The following PHLDB2 variants were observed in gnomAD, a reference collection of about 807,000 sequenced individuals.
PHLDB2 encodes the protein pleckstrin homology-like domain family B member 2.
In PHLDB2, 71 loss-of-function variants were observed where a neutral mutation model predicts 123.6. The observed-to-expected ratio is 0.57, with a 90% CI of 0.47 to 0.70. The LOEUF is 0.70. Among genes scored for constraint, PHLDB2 ranks in the 30% least tolerant of loss-of-function variants. The pLI is 0.00. For synonymous variants in PHLDB2, 547 were observed against 541.6 expected, an observed-to-expected ratio of 1.01 and a Z score of -0.14; for missense variants, 1,446 against 1,519.5, an observed-to-expected ratio of 0.95 and a Z score of 0.80.
Position 111,974,757 on chromosome 3 carries a change from T to A in PHLDB2, c.*194T>A, listed in dbSNP as rs943621111. The A allele has an allele frequency of 2.3e-5, 10 of 436,444 alleles. No homozygotes were observed. The highest frequency in any genetic ancestry group is 1.2e-4 in the African/African-American group (6 of 49,254). 27.0% of individuals were successfully genotyped at this position (436,444 alleles called of 1,614,324 possible). ...TTTTAATACAAACCTTCATAATAAA[T>A]AGCAAAATAATTGAAGCTTCCATGA... On this transcript the variant is annotated 3_prime_UTR_variant, in exon 18 of 18. Coordinates refer to ENST00000431670, the MANE Select transcript of PHLDB2 (RefSeq NM_001134438.2).
Position 111,920,417 on chromosome 3 carries a change from A to G in PHLDB2, c.1999A>G (p.Lys667Glu). 1 of 1,611,698 alleles carries G rather than the reference A, an allele frequency of 6.2e-7. No individual in the cohort carries two copies. The highest frequency in any genetic ancestry group is 8.5e-7 in the Non-Finnish European group (1 of 1,179,296). The change falls in exon 5 of 18, where the codon AAG (lysine) becomes GAG (glutamate). Residue 667 changes from lysine (K) to glutamate (E), a missense_variant and splice_region_variant. By Grantham distance (56) the Lys-to-Glu change is moderately conservative. Transcript: ENST00000431670. ...AAAGAACATTGTTGGTGAAAAGACC[A>G]AGGTAAAAGAAAATTATATTTCAAT... ...LEKNIVGEKT[K>E]EKVKLDAERE...
Position 111,738,441 on chromosome 3 carries a change from C to T in PHLDB2, c.-49+5738C>T, listed in dbSNP as rs527601874. On this transcript the variant is annotated intron_variant, in intron 1 of 17. Coordinates refer to the PHLDB2 transcript ENST00000393923. The stretch of plus-strand genomic sequence containing the variant: ...CGTTCTAATTTTGGATAACCACAAA[C>T]ATTTATTGATGGGTTATCCACTCAG... Among the ~76,000 whole-genome samples the T allele has an allele frequency of 3.9e-4, 59 of 152,188 alleles. 1 individual carries two copies. The highest frequency in any genetic ancestry group is 7.3e-4 in the Non-Finnish European group (50 of 68,032).
intron 1 of PHLDB2, among the ~76,000 whole-genome samples, chr3:111,757,931 C>T (rs1192674119): frequency 2.6e-5 from 4 of 152,278 alleles, no homozygotes; most frequent in African/African-American, 7.2e-5. Flanking sequence ...TCGTGAACCG[C>T]GAATGCTGCT....
chr3:111,801,716 T>C (rs1300435663), intron 1 of PHLDB2, among the ~76,000 whole-genome samples: 1 of 152,168 alleles, frequency 6.6e-6, no homozygotes, highest in East Asian at 1.9e-4. Context: ...GAAAATATTA[T>C]GCTAAGTGAA....
chr3:111,737,267 G>A (rs1004686616), intron 1 of PHLDB2, among the ~76,000 whole-genome samples: 1 of 152,174 alleles, frequency 6.6e-6, no homozygotes, highest in African/African-American at 2.4e-5. Flanking sequence ...CCCCTGGCTG[G>A]CTGCCTGAGT....
chr3:111,956,806 G>A (rs1577191362), intron 12 of PHLDB2, among the ~76,000 whole-genome samples: 1 of 152,092 alleles, frequency 6.6e-6, no homozygotes, highest in Admixed American at 6.5e-5. Flanking sequence ...AAACCCAGGA[G>A]GGATGGATCA....
At chr3:111,798,880 C>T (rs2061271066) in intron 1 of PHLDB2, among the ~76,000 whole-genome samples, 3 of 152,006 alleles carry the variant, frequency 2.0e-5, no homozygotes, top group Admixed American at 2.0e-4. Context: ...TGTATGAGTC[C>T]ACTCTCATGC....
chr3:111,813,176 G>A (rs2061918851), intron 1 of PHLDB2, among the ~76,000 whole-genome samples: 1 of 152,148 alleles, frequency 6.6e-6, no homozygotes, highest in Non-Finnish European at 1.5e-5. Flanking sequence ...TTAGTAAAAG[G>A]ATACAAAGTT....
intron 2 of PHLDB2, among the ~76,000 whole-genome samples, chr3:111,895,709 C>T (rs551244039): frequency 2.0e-5 from 3 of 152,128 alleles, no homozygotes; most frequent in Admixed American, 6.5e-5. Flanking sequence ...ATTAGCCAGG[C>T]GTGGTGGCAC....
chr3:111,818,333 A>G (rs905221299), intron 1 of PHLDB2, among the ~76,000 whole-genome samples: 5 of 152,124 alleles, frequency 3.3e-5, no homozygotes, highest in Non-Finnish European at 5.9e-5. Flanking sequence ...GGTACAACCT[A>G]TCTAAACTCA....
At position 111,921,556 on chromosome 3, in the gene PHLDB2, C is replaced by T. The variant is rs149635503; in HGVS notation, c.2001+1137C>T. Among the ~76,000 whole-genome samples the T allele has an allele frequency of 4.6e-3, 701 of 151,474 alleles. 12 individuals carry two copies. Among genetic ancestry groups the T allele is most frequent in the African/African-American group, 0.016 (651 of 41,306 alleles). ...TTACCAGCATGTCAGAATTAAACTG[C>T]ACAGGCTTTTCATATTAAATTTTAT... On this transcript the variant is annotated intron_variant, in intron 5 of 17. Transcript: ENST00000431670.
At chr3:111,803,169 G>C (rs1357876392) in intron 1 of PHLDB2, among the ~76,000 whole-genome samples, 1 of 152,228 alleles carries the variant, frequency 6.6e-6, no homozygotes, top group Non-Finnish European at 1.5e-5. Context: ...CTTGGGAGCA[G>C]AGGATGGAAG....
intron 1 of PHLDB2, among the ~76,000 whole-genome samples, chr3:111,870,266 G>A (rs1016049262): frequency 2.6e-5 from 4 of 152,078 alleles, no homozygotes; most frequent in Admixed American, 2.0e-4. Context: ...GCTTAGAGGG[G>A]GGTGTTTGCA....
At chr3:111,894,414 G>A (rs2066698285) in intron 2 of PHLDB2, among the ~76,000 whole-genome samples, 2 of 151,698 alleles carry the variant, frequency 1.3e-5, no homozygotes, top group Non-Finnish European at 2.9e-5. Context: ...ATAGTCCTTT[G>A]GGTATATACC....
At chr3:111,765,773 G>A (rs1183974144) in intron 1 of PHLDB2, among the ~76,000 whole-genome samples, 2 of 152,174 alleles carry the variant, frequency 1.3e-5, no homozygotes, top group Non-Finnish European at 2.9e-5. Flanking sequence ...GAGGCTGAGA[G>A]GTGAGTGAAA....
intron 1 of PHLDB2, among the ~76,000 whole-genome samples, chr3:111,773,238 C>T (rs66786213): frequency 0.26 from 39,601 of 152,084 alleles, 6,355 homozygotes; most frequent in African/African-American, 0.45. Context: ...GTTTCCCAGG[C>T]TCTGCTCCAA....
intron 1 of PHLDB2, among the ~76,000 whole-genome samples, chr3:111,750,999 A>G (rs1399970664): frequency 6.6e-6 from 1 of 151,880 alleles, no homozygotes; most frequent in African/African-American, 2.4e-5. Context: ...CTATTGAACC[A>G]TATATGCCAG....
At chr3:111,948,910 A>G in intron 9 of PHLDB2, 22 bp from the exon 10 acceptor site, 1 of 1,612,104 alleles carries the variant, frequency 6.2e-7, no homozygotes, top group Non-Finnish European at 8.5e-7. Flanking sequence ...TTTGTGTTTA[A>G]CTTCTGAATT....
At chr3:111,909,895 T>C (rs976052989) in intron 2 of PHLDB2, among the ~76,000 whole-genome samples, 21 of 152,238 alleles carry the variant, frequency 1.4e-4, no homozygotes, top group Non-Finnish European at 2.6e-4. Flanking sequence ...TAGCAAAGAT[T>C]ACACCTGTGC....
Sources: gnomAD v4.1 joint callset for allele counts (sites outside exome capture counted in the v4.1 genomes callset) on GRCh38, gnomAD v4.1.1 for gene constraint, MANE v1.5 for transcripts, NCBI Gene and HGNC (gene_info 2026-07-23, HGNC 2026-07-21) for gene names.